MED14: variants seen among roughly 807,000 people sequenced by gnomAD.
MED14 encodes the protein mediator complex subunit 14.
A neutral mutation model predicts 109.0 loss-of-function variants in MED14; 8 were observed. The observed-to-expected ratio is 0.07, with a 90% CI of 0.04 to 0.13. MED14 has a LOEUF of 0.13. MED14 is among the 10% of genes least tolerant of loss of function. The pLI is 1.00. For synonymous variants in MED14, 399 were observed against 408.7 expected, an observed-to-expected ratio of 0.98 and a Z score of 0.29; for missense variants, 711 against 1,142.4, an observed-to-expected ratio of 0.62 and a Z score of 5.44.
Position 40,682,605 on chromosome X carries a change from G to T in MED14, c.2363C>A (p.Pro788Gln). 1 of 1,161,426 alleles carries T rather than the reference G, an allele frequency of 8.6e-7. No individual in the cohort carries two copies. The stretch of plus-strand genomic sequence containing the variant: ...AAGGAGATTATCTCCACACGTACCT[G>T]GTAGAGAACGTGCAAATTCCAACAC... ...ECVLEFARSL[P>Q]DIPAHLNIFS... The change falls in exon 18 of 31, where the codon CCA becomes CAA. Residue 788 changes from proline to glutamine, a missense_variant and splice_region_variant. Transcript: ENST00000324817.
At chrX:40,670,988 A>G (rs985760398) in intron 23 of MED14, among the ~76,000 whole-genome samples, 15 of 111,976 alleles carry the variant, frequency 1.3e-4, no homozygotes, top group Non-Finnish European at 5.6e-5. Flanking sequence ...TTTACACTAG[A>G]TAAAAGGTTT....
chrX:40,652,593 T>C (rs1485451973), intron 30 of MED14, among the ~76,000 whole-genome samples: 1 of 111,227 alleles, frequency 9.0e-6, no homozygotes, highest in East Asian at 2.8e-4. Context: ...ACAAAAATGA[T>C]TTTCTTAAAA....
intron 9 of MED14, 55 bp from the exon 10 acceptor site, chrX:40,709,514 A>G: frequency 3.3e-6 from 2 of 597,941 alleles, no homozygotes; most frequent in South Asian, 8.7e-5. Flanking sequence ...TTTTACTTTA[A>G]AAGCCCAAGA....
chrX:40,706,298 C>T lies in MED14; in HGVS notation c.1286-2729G>A, dbSNP rs752708131. Reference sequence around the variant, plus strand: ...AAGCACATGCCCTAAGATGGTGGGTCGGCAGACCCTTTCCTCTAGCAGTCC... The same window carrying T: ...AAGCACATGCCCTAAGATGGTGGGTTGGCAGACCCTTTCCTCTAGCAGTCC... On this transcript the variant is annotated intron_variant, in intron 10 of 30. Transcript: ENST00000324817. Among the ~76,000 whole-genome samples the T allele has an allele frequency of 9.0e-5, 10 of 111,640 alleles. No individual in the cohort carries two copies. The South Asian group carries it at 3.8e-3, about 42-fold the overall frequency.
rs756025259 is a variant in MED14, at chrX:40,654,529, G to A, written c.4126C>T (p.Pro1376Ser). The A allele has an allele frequency of 1.7e-6, 2 of 1,208,829 alleles. No homozygotes were observed. Among genetic ancestry groups the A allele is most frequent in the African/African-American group, 1.8e-5 (1 of 56,877 alleles). ...FLQLTQKTSV[P>S]PQEPVSIIVP... The stretch of plus-strand genomic sequence containing the variant: ...ATAATACTAACAGGTTCTTGGGGAG[G>A]GACCGATGTTTTCTGAGTTAGTTGA... Residue 1376 changes from proline (P) to serine (S), a missense_variant, in exon 30 of 31, where the codon CCT becomes TCT. Coordinates refer to ENST00000324817, the MANE Select transcript of MED14 (RefSeq NM_004229.4).
chrX:40,680,659 C>A (rs1930077125), intron 20 of MED14, 99 bp downstream of exon 20: 2 of 712,555 alleles, frequency 2.8e-6, no homozygotes, highest in Admixed American at 3.5e-5. Context: ...CACAAGCAAT[C>A]CTTCCGCCTC....
At chrX:40,652,011 G>A (rs1928897166) in intron 30 of MED14, 132 bp from the exon 31 acceptor site, 1 of 634,137 alleles carries the variant, frequency 1.6e-6, no homozygotes, top group Non-Finnish European at 2.2e-6. Context: ...AATTTTAACT[G>A]CCCAGATTAT....
Position 40,666,799 on chromosome X carries a change from T to C in MED14, c.3186A>G (p.Pro1062=). 1.7e-6 allele frequency: 2 copies of C among 1,196,610 alleles called. No individual in the cohort carries two copies. The highest frequency in any genetic ancestry group is 2.3e-6 in the Non-Finnish European group (2 of 886,778). ...SPSGALRAPS[P]ASFVPTPPPS... The stretch of plus-strand genomic sequence containing the variant: ...GGGGAGGAGTTGGAACAAATGACGC[T>C]GGTGATGGGGCTCTCAAAGCCCCAC... The change falls in exon 24 of 31, where the codon CCA becomes CCG. Residue 1062 remains proline (P), a synonymous_variant. Coordinates refer to ENST00000324817, the MANE Select transcript of MED14 (RefSeq NM_004229.4).
intron 5 of MED14, 72 bp downstream of exon 5, chrX:40,713,706 G>A: frequency 9.0e-7 from 1 of 1,115,100 alleles, no homozygotes; most frequent in African/African-American, 1.8e-5. Flanking sequence ...GTCTCCCAAA[G>A]TGCTGAGATT....
rs572461551 is a variant in MED14, at chrX:40,685,617, A to G, written c.2058-2621T>C. On this transcript the variant is annotated intron_variant, in intron 16 of 30. Coordinates refer to ENST00000324817, the MANE Select transcript of MED14 (RefSeq NM_004229.4). ...CAACGAGAAGGTGGGAAGTTTGCTG[A>G]AGCGTTCAAAACTAGGCACCATGAG... is the stretch of plus-strand genomic sequence containing the variant. Among the ~76,000 whole-genome samples, 46 of 112,207 alleles carry G rather than the reference A, an allele frequency of 4.1e-4. No homozygotes were observed. In the South Asian group the frequency reaches 0.017, roughly 42 times the overall value.
chrX:40,658,382 G>A (rs1182599069), intron 28 of MED14, among the ~76,000 whole-genome samples: 1 of 111,383 alleles, frequency 9.0e-6, no homozygotes, highest in East Asian at 2.8e-4. Context: ...ATGAGCCACC[G>A]CACCCGGCCT....
At position 40,650,050 on chromosome X, in the gene MED14, T is replaced by C. The variant is rs1360653909; in HGVS notation, c.*1756A>G. 10 of 746,582 alleles carry C rather than the reference T, an allele frequency of 1.3e-5. No homozygotes were observed. Among genetic ancestry groups the C allele is most frequent in the Non-Finnish European group, 1.6e-5 (10 of 632,917 alleles). The allele number at this position is 746,582 out of a possible 1,213,427, so 61.5% of individuals were successfully genotyped here. Reference sequence around the variant, plus strand: ...CAGATAAAAATACATTTCTTGTATATACATGTAGATTTCTACATGAAAGAA... The same window carrying C: ...CAGATAAAAATACATTTCTTGTATACACATGTAGATTTCTACATGAAAGAA... On this transcript the variant is annotated 3_prime_UTR_variant, in exon 31 of 31. Coordinates refer to ENST00000324817, the MANE Select transcript of MED14 (RefSeq NM_004229.4).
At position 40,735,515 on chromosome X, in the gene MED14, C is replaced by A. The variant is rs1413974949; in HGVS notation, c.-103G>T. ...AAACGGGAGCGGGCAGAGTCGCCAC[C>A]GCCTACCGCCGGGCCGCCTCAGAAC... On this transcript the variant is annotated 5_prime_UTR_variant, in exon 1 of 31. Transcript: ENST00000324817. 5 of 783,400 alleles carry A rather than the reference C, an allele frequency of 6.4e-6. No individual in the cohort carries two copies. In the East Asian group the frequency reaches 1.8e-4, roughly 28 times the overall value. 64.6% of individuals were successfully genotyped at this position (783,400 alleles called of 1,213,427 possible).
chrX:40,679,840 T>C, intron 21 of MED14, 24 bp downstream of exon 21: 1 of 1,199,776 alleles, frequency 8.3e-7, no homozygotes, highest in Non-Finnish European at 1.1e-6. Context: ...TGTTTACTCA[T>C]GTTATAACAC....
At chrX:40,725,515 G>A (rs1211511115) in intron 3 of MED14, among the ~76,000 whole-genome samples, 1 of 112,092 alleles carries the variant, frequency 8.9e-6, no homozygotes, top group Admixed American at 9.4e-5. Flanking sequence ...GGGATGCAAG[G>A]ATGGTTCAAA....
At chrX:40,729,419 ACT>A (rs1265093921) in intron 1 of MED14, 74 bp from the exon 2 acceptor site, 1 of 999,766 alleles carries the variant, frequency 1.0e-6, no homozygotes, top group Non-Finnish European at 1.4e-6. Context: ...CTTTACTTTG[ACT>A]CTATTAAATA....
chrX:40,657,124 C>T (rs1025392360), intron 28 of MED14, among the ~76,000 whole-genome samples: 4 of 111,407 alleles, frequency 3.6e-5, no homozygotes, highest in African/African-American at 6.5e-5. Flanking sequence ...CCCAACCTCA[C>T]GTGATCCACC....
At chrX:40,698,481 A>G (rs1015883866) in intron 12 of MED14, among the ~76,000 whole-genome samples, 1 of 112,413 alleles carries the variant, frequency 8.9e-6, no homozygotes, top group African/African-American at 3.2e-5. Context: ...TGAAAAATGT[A>G]CACAGTTTCT....
chrX:40,671,824 A>G, intron 23 of MED14, 37 bp downstream of exon 23: 1 of 989,497 alleles, frequency 1.0e-6, no homozygotes, highest in Non-Finnish European at 1.4e-6. Flanking sequence ...TTTGGATTTG[A>G]AAGTTGAACA....
Sources: allele counts gnomAD v4.1 joint callset (sites outside exome capture counted in the v4.1 genomes callset), GRCh38; gene constraint gnomAD v4.1.1; transcripts MANE v1.5; gene names NCBI Gene and HGNC (gene_info 2026-07-23, HGNC 2026-07-21).